The following MAGI2 variants were observed in gnomAD, a reference collection of about 807,000 sequenced individuals.
MAGI2 encodes the protein membrane associated guanylate kinase, WW and PDZ domain containing 2.
Under a neutral mutation model 133.3 loss-of-function variants are expected in MAGI2, and 35 were observed. The ratio of observed to expected loss-of-function variants is 0.26; its 90% CI spans 0.20 to 0.35. The LOEUF is 0.35. Ranked by LOEUF, MAGI2 falls within the 10% of genes least tolerant of loss-of-function variation. The pLI is 1.00. For synonymous variants in MAGI2, 729 were observed against 710.6 expected (o/e 1.03, Z -0.41); for missense variants, 1,636 against 1,863.4 (o/e 0.88, Z 2.25).
In MAGI2 at chr7:78,723,211, T is replaced by A. The variant is rs182397532; in HGVS notation, c.419-95972A>T. ...AAAACAAAAGAAAAATGTAAACTGT[T>A]ATTTTCTTTGGTCAATATATATGTT... On this transcript the variant is annotated intron_variant, in intron 2 of 21. Coordinates refer to ENST00000354212, the MANE Select transcript of MAGI2 (RefSeq NM_012301.4). Among the ~76,000 whole-genome samples the A allele has an allele frequency of 1.4e-4, 22 of 152,334 alleles. No individual in the cohort carries two copies. The East Asian group carries it at 4.2e-3, about 29-fold the overall frequency.
intron 9 of MAGI2, among the ~76,000 whole-genome samples, chr7:78,273,457 A>T (rs980413162): frequency 1.3e-4 from 19 of 151,950 alleles, no homozygotes; most frequent in African/African-American, 4.1e-4. Flanking sequence ...GTGTTCTCTG[A>T]ATTTCCTGAA....
chr7:78,545,212 C>CTTTTT (rs71085537), intron 3 of MAGI2, among the ~76,000 whole-genome samples: 2 of 83,128 alleles, frequency 2.4e-5, no homozygotes, highest in African/African-American at 5.0e-5. Context: ...TAACCTGATT[C>CTTTTT]TTTTTTTTTT....
chr7:78,242,240 T>G (rs1052583381), intron 10 of MAGI2, among the ~76,000 whole-genome samples: 5 of 152,116 alleles, frequency 3.3e-5, no homozygotes, highest in Non-Finnish European at 7.4e-5. Flanking sequence ...ACTTTGCACT[T>G]TTGGTCTTAT....
chr7:78,892,516 T>C (rs1584304478), intron 2 of MAGI2, among the ~76,000 whole-genome samples: 1 of 152,178 alleles, frequency 6.6e-6, no homozygotes, highest in Non-Finnish European at 1.5e-5. Context: ...AGCATGGTAC[T>C]GGTACCAAAA....
At chr7:79,274,779 T>A (rs2129557482) in intron 1 of MAGI2, among the ~76,000 whole-genome samples, 1 of 152,276 alleles carries the variant, frequency 6.6e-6, no homozygotes, top group South Asian at 2.1e-4. Flanking sequence ...TCCAACATGA[T>A]CACTTTGTGT....
At chr7:79,012,107 C>A (rs1269881288) in intron 1 of MAGI2, 1 of 152,112 alleles carries the variant, frequency 6.6e-6, no homozygotes. Context: ...AAGCAGAGTG[C>A]CCAAAGAATG....
intron 2 of MAGI2, among the ~76,000 whole-genome samples, chr7:78,722,578 T>A (rs1820369219): frequency 6.6e-6 from 1 of 152,044 alleles, no homozygotes; most frequent in Non-Finnish European, 1.5e-5. Context: ...AATCTCATCA[T>A]CAAAAAAGCC....
intron 1 of MAGI2, among the ~76,000 whole-genome samples, chr7:79,257,648 C>G (rs1833785873): frequency 1.3e-5 from 2 of 152,128 alleles, no homozygotes. Flanking sequence ...ACATCCAAAA[C>G]AGTGAGCATC....
Position 79,292,713 on chromosome 7 carries a change from T to C in MAGI2, c.301+160307A>G, listed in dbSNP as rs553887566. ...TGTTCTTTTTCAGGATTGTTTTGCCTATTCTGGGTCCTTTATCTTTCTTCA... is the reference window on the plus strand; with the variant it reads ...TGTTCTTTTTCAGGATTGTTTTGCCCATTCTGGGTCCTTTATCTTTCTTCA... On this transcript the variant is annotated intron_variant, in intron 1 of 21. Coordinates refer to ENST00000354212, the MANE Select transcript of MAGI2 (RefSeq NM_012301.4). Among the ~76,000 whole-genome samples, 5 of 143,160 alleles carry C rather than the reference T, an allele frequency of 3.5e-5. No individual in the cohort carries two copies. In the Admixed American group the frequency reaches 3.7e-4, roughly 11 times the overall value. The allele number at this position is 143,160 out of a possible 152,430, so 93.9% of individuals were successfully genotyped here.
chr7:78,630,666 C>T (rs148372142), intron 2 of MAGI2, among the ~76,000 whole-genome samples: 7 of 151,942 alleles, frequency 4.6e-5, no homozygotes, highest in Non-Finnish European at 1.0e-4. Context: ...TCCCCCACCT[C>T]GGCCTCCCAA....
At chr7:78,338,263 C>T (rs1467638148) in intron 9 of MAGI2, among the ~76,000 whole-genome samples, 2 of 152,118 alleles carry the variant, frequency 1.3e-5, no homozygotes, top group East Asian at 3.9e-4. Context: ...CGGCGTACCG[C>T]TTTTTCTAGG....
At chr7:78,543,234 T>C (rs1472377972) in intron 3 of MAGI2, among the ~76,000 whole-genome samples, 1 of 152,128 alleles carries the variant, frequency 6.6e-6, no homozygotes, top group African/African-American at 2.4e-5. Flanking sequence ...AAAAGGAACT[T>C]TGAATAGGTA....
intron 1 of MAGI2, among the ~76,000 whole-genome samples, chr7:79,438,085 T>G (rs1375982049): frequency 6.6e-6 from 1 of 152,130 alleles, no homozygotes; most frequent in Admixed American, 6.6e-5. Context: ...CTACAGCTCT[T>G]TGCCAGGCAA....
intron 20 of MAGI2, 112 bp downstream of exon 20, chr7:78,125,582 G>C: frequency 9.4e-7 from 1 of 1,068,440 alleles, no homozygotes; most frequent in Non-Finnish European, 1.3e-6. Flanking sequence ...CAACTAGAAA[G>C]AGGGCAAACC....
chr7:78,573,266 A>ATATATAAATATATATATATT lies in MAGI2; in HGVS notation c.539-51622_539-51621insAATATATATATATTTATATA, dbSNP rs1801822043. Among the ~76,000 whole-genome samples the ATATATAAATATATATATATT allele has an allele frequency of 1.2e-4, 3 of 24,252 alleles. No individual in the cohort carries two copies. In the Admixed American group the frequency reaches 3.3e-3, roughly 27 times the overall value. The allele number at this position is 24,252 out of a possible 152,430, so 15.9% of individuals were successfully genotyped here. ...TATATAAATATATATAAATATAAAT[A>ATATATAAATATATATATATT]TATATAAATATATATATTTATATAA... On this transcript the variant is annotated intron_variant, in intron 3 of 21. Coordinates refer to ENST00000354212, the MANE Select transcript of MAGI2 (RefSeq NM_012301.4).
chr7:78,601,948 A>G (rs1584799149), intron 3 of MAGI2, among the ~76,000 whole-genome samples: 3 of 152,284 alleles, frequency 2.0e-5, no homozygotes, highest in Admixed American at 2.0e-4. Context: ...CCAGAGTCCT[A>G]CTTAGCTGAG....
chr7:79,345,656 TA>T (rs932593210), intron 1 of MAGI2, among the ~76,000 whole-genome samples: 8 of 152,050 alleles, frequency 5.3e-5, no homozygotes, highest in Admixed American at 2.6e-4. Context: ...GGATGTGTTC[TA>T]AAAAAATCTA....
chr7:78,952,469 T>C (rs1562708478), intron 2 of MAGI2, among the ~76,000 whole-genome samples: 1 of 152,210 alleles, frequency 6.6e-6, no homozygotes, highest in Non-Finnish European at 1.5e-5. Flanking sequence ...ATTCATTCAT[T>C]CATTTATTCA....
intron 9 of MAGI2, among the ~76,000 whole-genome samples, chr7:78,283,837 A>C (rs1795871373): frequency 6.6e-6 from 1 of 152,038 alleles, no homozygotes; most frequent in Non-Finnish European, 1.5e-5. Context: ...AACCCAAAAG[A>C]CCCCATTAAA....
Sources: gnomAD v4.1 joint callset for allele counts (sites outside exome capture counted in the v4.1 genomes callset) on GRCh38, gnomAD v4.1.1 for gene constraint, MANE v1.5 for transcripts, NCBI Gene and HGNC (gene_info 2026-07-23, HGNC 2026-07-21) for gene names.